Variants in PDE4B observed in about 807,000 individuals in gnomAD.
PDE4B encodes the protein 3',5'-cyclic-AMP phosphodiesterase 4B.
Under a neutral mutation model 82.2 loss-of-function variants are expected in PDE4B, and 20 were observed. The observed-to-expected ratio is 0.24, with a 90% CI of 0.17 to 0.35. The LOEUF (loss-of-function observed/expected upper bound fraction) is 0.35. PDE4B is among the 10% of genes least tolerant of loss of function. PDE4B has a pLI of 1.00. For synonymous variants in PDE4B, 320 were observed against 318.9 expected (o/e 1.00, Z -0.04); for missense variants, 655 against 907.2 (o/e 0.72, Z 3.57).
At chr1:65,972,716 T>C (rs1160684473) in intron 3 of PDE4B, among the ~76,000 whole-genome samples, 4 of 152,204 alleles carry the variant, frequency 2.6e-5, no homozygotes, top group Admixed American at 2.0e-4. Context: ...ATTCACTTAG[T>C]GTTTCTGCAT....
rs1654347935 is a variant in PDE4B, at chr1:66,257,666, G to A, written c.496G>A (p.Val166Ile). 5.0e-6 allele frequency: 8 copies of A among 1,613,716 alleles called. No individual in the cohort carries two copies. Among genetic ancestry groups the A allele is most frequent in the Non-Finnish European group, 6.8e-6 (8 of 1,179,706 alleles). Residue 166 changes from valine (V) to isoleucine (I), a missense_variant, in exon 5 of 17, where the codon GTA becomes ATA. By Grantham distance (29) the Val-to-Ile change is conservative. Transcript: ENST00000341517. ...PSEQHGDDLI[V>I]TPFAQVLASL... ...CACCAGACACGGCGATGACTTGATT[G>A]TAACTCCTTTTGCCCAGGTATGTAT...
At chr1:66,276,816 G>A (rs1052493188) in intron 7 of PDE4B, among the ~76,000 whole-genome samples, 3 of 152,110 alleles carry the variant, frequency 2.0e-5, no homozygotes, top group Admixed American at 6.6e-5. Flanking sequence ...TTGTAATGAA[G>A]GAAAGTACAG....
chr1:65,936,062 TTTTTTG>T (rs1248792773), intron 3 of PDE4B, among the ~76,000 whole-genome samples: 1 of 152,128 alleles, frequency 6.6e-6, no homozygotes, highest in Non-Finnish European at 1.5e-5. Flanking sequence ...CGTTTTAAAG[TTTTTTG>T]TTAAAAACGA....
intron 1 of PDE4B, among the ~76,000 whole-genome samples, chr1:65,858,048 C>T (rs1000200967): frequency 3.9e-5 from 6 of 152,158 alleles, no homozygotes; most frequent in Non-Finnish European, 5.9e-5. Context: ...GTCTGAACTT[C>T]GAAGTTCCCA....
intron 4 of PDE4B, among the ~76,000 whole-genome samples, chr1:66,253,718 T>A (rs905836306): frequency 4.6e-5 from 7 of 152,262 alleles, no homozygotes; most frequent in Non-Finnish European, 7.3e-5. Flanking sequence ...CTGGTTGCAC[T>A]CTAAGAGAAG....
At chr1:66,310,168 T>G (rs1658567605) in intron 7 of PDE4B, among the ~76,000 whole-genome samples, 1 of 152,188 alleles carries the variant, frequency 6.6e-6, no homozygotes, top group African/African-American at 2.4e-5. Context: ...AATTTCTTGA[T>G]GAGTTTTAGA....
chr1:65,888,855 T>C (rs1321156410), intron 1 of PDE4B, among the ~76,000 whole-genome samples: 1 of 152,026 alleles, frequency 6.6e-6, no homozygotes, highest in Non-Finnish European at 1.5e-5. Context: ...TTTTGTGGAG[T>C]CTATAGATTT....
chr1:66,228,126 C>T (rs1027799741), intron 3 of PDE4B, among the ~76,000 whole-genome samples: 1 of 152,218 alleles, frequency 6.6e-6, no homozygotes, highest in South Asian at 2.1e-4. Context: ...GCCTGACACC[C>T]AAATATCCTA....
chr1:66,291,143 T>G (rs1401388559), intron 7 of PDE4B, among the ~76,000 whole-genome samples: 2 of 152,188 alleles, frequency 1.3e-5, no homozygotes, highest in African/African-American at 2.4e-5. Flanking sequence ...TGAGCATGTC[T>G]TTTATATCAG....
chr1:65,910,531 C>G (rs193205072), intron 1 of PDE4B, among the ~76,000 whole-genome samples: 154 of 152,222 alleles, frequency 1.0e-3, no homozygotes, highest in Middle Eastern at 3.4e-3. Flanking sequence ...ATAGATTGTT[C>G]TCTTAAAGAA....
chr1:66,067,918 A>G (rs1201811897), intron 3 of PDE4B, among the ~76,000 whole-genome samples: 2 of 137,338 alleles, frequency 1.5e-5, no homozygotes, highest in African/African-American at 2.7e-5. Context: ...CACAGGAAGG[A>G]GAACATCACA....
At chr1:65,949,869 C>A (rs1488858811) in intron 3 of PDE4B, among the ~76,000 whole-genome samples, 1 of 151,932 alleles carries the variant, frequency 6.6e-6, no homozygotes. Flanking sequence ...ATTTGAGATT[C>A]TTAACTGTGT....
At chr1:66,207,880 G>A (rs905399123) in intron 3 of PDE4B, among the ~76,000 whole-genome samples, 4 of 152,250 alleles carry the variant, frequency 2.6e-5, no homozygotes, top group South Asian at 2.1e-4. Flanking sequence ...CTTCAGAATT[G>A]CAGAAAGAAC....
At chr1:65,874,360 C>A (rs1571049661) in intron 1 of PDE4B, among the ~76,000 whole-genome samples, 1 of 152,288 alleles carries the variant, frequency 6.6e-6, no homozygotes, top group South Asian at 2.1e-4. Flanking sequence ...ATGTCGTCTG[C>A]AAACAGGGAG....
At chr1:66,041,086 A>G (rs1314283448) in intron 3 of PDE4B, among the ~76,000 whole-genome samples, 1 of 151,900 alleles carries the variant, frequency 6.6e-6, no homozygotes, top group Admixed American at 6.6e-5. Flanking sequence ...CTTTTCTAGA[A>G]CTAACCCATA....
At chr1:65,825,702 TTACCTATC>T (rs1553188279) in intron 1 of PDE4B, among the ~76,000 whole-genome samples, 12,594 of 130,272 alleles carry the variant, frequency 0.097, 582 homozygotes, top group Non-Finnish European at 0.11. Context: ...AAAAACAAAA[TTACCTATC>T]TATCTATCTA....
chr1:66,258,869 T>G (rs1026406945), intron 6 of PDE4B, among the ~76,000 whole-genome samples: 1 of 152,218 alleles, frequency 6.6e-6, no homozygotes, highest in African/African-American at 2.4e-5. Flanking sequence ...TCTTTCACTG[T>G]TTTATGACTA....
At chr1:65,899,587 A>C (rs934556045) in intron 1 of PDE4B, among the ~76,000 whole-genome samples, 2 of 105,546 alleles carry the variant, frequency 1.9e-5, no homozygotes, top group Non-Finnish European at 4.7e-5. Flanking sequence ...CCCATCAATC[A>C]ACTAGTGGAT....
chr1:66,172,572 T>TTTAC (rs1646857155), intron 3 of PDE4B, among the ~76,000 whole-genome samples: 1 of 152,112 alleles, frequency 6.6e-6, no homozygotes, highest in Admixed American at 6.5e-5. Context: ...TTACCAACAA[T>TTTAC]ATATAAGTGT....
Sources: gnomAD v4.1 joint callset for allele counts (sites outside exome capture counted in the v4.1 genomes callset) on GRCh38, gnomAD v4.1.1 for gene constraint, MANE v1.5 for transcripts, NCBI Gene and HGNC (gene_info 2026-07-23, HGNC 2026-07-21) for gene names.